Variants in GOLGA5 observed in about 807,000 individuals in gnomAD.
GOLGA5 encodes the protein golgin A5.
Under a neutral mutation model 93.5 loss-of-function variants are expected in GOLGA5, and 50 were observed. The observed-to-expected ratio is 0.53, with a 90% CI of 0.43 to 0.68. The LOEUF is 0.68. Among genes scored for constraint, GOLGA5 ranks in the 30% least tolerant of loss-of-function variants. GOLGA5 has a pLI of 0.00. For synonymous variants in GOLGA5, 312 were observed against 304.5 expected (o/e 1.02, Z -0.26); for missense variants, 760 against 856.4 (o/e 0.89, Z 1.40).
intron 9 of GOLGA5, among the ~76,000 whole-genome samples, chr14:92,825,776 C>T (rs919338232): frequency 2.0e-5 from 3 of 149,082 alleles, no homozygotes; most frequent in African/African-American, 7.4e-5. Context: ...GGATCACTTG[C>T]GCCTGGGAGG....
intron 8 of GOLGA5, among the ~76,000 whole-genome samples, chr14:92,822,513 A>G (rs1169621490): frequency 2.0e-5 from 3 of 152,218 alleles, no homozygotes; most frequent in East Asian, 1.9e-4. Flanking sequence ...CGAGCAGTGC[A>G]TTAGTGCAGT....
intron 2 of GOLGA5, among the ~76,000 whole-genome samples, chr14:92,803,804 C>G (rs1566953130): frequency 6.6e-6 from 1 of 152,162 alleles, no homozygotes; most frequent in Non-Finnish European, 1.5e-5. Context: ...TATATTGAAT[C>G]CTTACCCTGT....
At chr14:92,798,413 C>G (rs937121058) in intron 2 of GOLGA5, among the ~76,000 whole-genome samples, 1 of 152,034 alleles carries the variant, frequency 6.6e-6, no homozygotes, top group Non-Finnish European at 1.5e-5. Context: ...TTTTTCCCCC[C>G]ACATCCTCCA....
chr14:92,811,839 G>A (rs988404611), intron 6 of GOLGA5, 85 bp downstream of exon 6: 1 of 969,962 alleles, frequency 1.0e-6, no homozygotes, highest in East Asian at 2.5e-5. Context: ...ACTGTGTGAG[G>A]TGCTTTGTTC....
intron 10 of GOLGA5, among the ~76,000 whole-genome samples, chr14:92,833,614 A>G (rs187627759): frequency 6.6e-6 from 1 of 152,354 alleles, no homozygotes; most frequent in East Asian, 1.9e-4. Flanking sequence ...GATGATGCTG[A>G]CAAGGCGAGG....
In GOLGA5 at chr14:92,815,987, G is replaced by A. The variant is rs150995889; in HGVS notation, c.1321-264G>A. On this transcript the variant is annotated intron_variant, in intron 6 of 12. Transcript: ENST00000163416. ...CCCAAAGTGCTGGGATTACAGGCGT[G>A]AGCCACCGCACCCAGCTGGAAAAAA... Among the ~76,000 whole-genome samples the A allele has an allele frequency of 3.6e-3, 555 of 152,060 alleles. 13 individuals carry two copies. The South Asian group carries it at 0.061, about 17-fold the overall frequency.
At chr14:92,813,703 G>A (rs1157852514) in intron 6 of GOLGA5, among the ~76,000 whole-genome samples, 1 of 152,136 alleles carries the variant, frequency 6.6e-6, no homozygotes, top group African/African-American at 2.4e-5. Context: ...GGGAGATTTG[G>A]GCCTCTGTCT....
Position 92,833,247 on chromosome 14 carries a change from G to A in GOLGA5, c.1845G>A (p.Leu615=). ...GTCTCAGCACAGAAAAGAACTCCCT[G>A]GTCTTTCAACTGGAGCGCCTCGAAC... ...LESLSTEKNS[L]VFQLERLEQQ... The change falls in exon 10 of 13, where the codon CTG becomes CTA. Residue 615 remains leucine (L), a synonymous_variant. Transcript: ENST00000163416. 6.2e-7 allele frequency: 1 copy of A among 1,613,704 alleles called. No individual in the cohort carries two copies. The highest frequency in any genetic ancestry group is 8.5e-7 in the Non-Finnish European group (1 of 1,179,650).
rs757380809 is a variant in GOLGA5 at position 92,797,880 on chromosome 14, C to T, written c.443C>T (p.Pro148Leu). The T allele has an allele frequency of 3.1e-6, 5 of 1,612,024 alleles. No individual in the cohort carries two copies. In the South Asian group the frequency reaches 5.5e-5, roughly 18 times the overall value. ...VEIRKEKGKT[P>L]VFQSSQTSSV... ...ATCAGAAAGGAAAAAGGCAAGACACCTGTCTTTCAGAGCTCTCAGACATCA... is the reference window on the plus strand; with the variant it reads ...ATCAGAAAGGAAAAAGGCAAGACACTTGTCTTTCAGAGCTCTCAGACATCA... The change falls in exon 2 of 13, where the codon CCT (proline) becomes CTT (leucine). Residue 148 changes from proline (P) to leucine (L), a missense_variant. Transcript: ENST00000163416.
chr14:92,816,966 C>T (rs979821480), intron 7 of GOLGA5, among the ~76,000 whole-genome samples: 12 of 151,530 alleles, frequency 7.9e-5, no homozygotes, highest in African/African-American at 2.4e-4. Context: ...GATGGAGTCT[C>T]GGTCTGTTGC....
intron 2 of GOLGA5, among the ~76,000 whole-genome samples, chr14:92,804,502 A>G (rs10135267): frequency 0.82 from 123,986 of 152,054 alleles, 51,220 homozygotes; most frequent in African/African-American, 0.94. Flanking sequence ...ATTTCCCATC[A>G]CTTTCTTCAC....
intron 9 of GOLGA5, among the ~76,000 whole-genome samples, chr14:92,829,278 G>A (rs963867098): frequency 1.3e-5 from 2 of 152,082 alleles, no homozygotes; most frequent in Non-Finnish European, 2.9e-5. Context: ...TATCACTTAA[G>A]ACATACTTTT....
chr14:92,824,633 C>G lies in GOLGA5; in HGVS notation c.1708C>G (p.Leu570Val), dbSNP rs1230016109. Residue 570 changes from leucine to valine, a missense_variant, in exon 9 of 13, where the codon CTC becomes GTC. Leu to Val is a conservative substitution (Grantham distance 32). Transcript: ENST00000163416. The stretch of plus-strand genomic sequence containing the variant: ...AGATCGAGACGAAGAAATTCAAAAA[C>G]TCAGGAATCAGGTATGAATCACTAT... The part of the protein sequence containing the change: ...IKDRDEEIQK[L>V]RNQLTNKTLS... 6.4e-7 allele frequency: 1 copy of G among 1,566,586 alleles called. No individual in the cohort carries two copies. The highest frequency in any genetic ancestry group is 1.1e-5 in the South Asian group (1 of 89,312).
chr14:92,805,165 A>G (rs970901498), intron 2 of GOLGA5, among the ~76,000 whole-genome samples: 2 of 151,794 alleles, frequency 1.3e-5, no homozygotes. Flanking sequence ...TTTCCACTTA[A>G]TCTCCTCACC....
chr14:92,830,759 T>G (rs1885515009), intron 9 of GOLGA5, among the ~76,000 whole-genome samples: 1 of 151,962 alleles, frequency 6.6e-6, no homozygotes, highest in Admixed American at 6.6e-5. Flanking sequence ...ACCACCACAC[T>G]CGGCTAATTT....
At chr14:92,821,042 T>C (rs546651362) in intron 8 of GOLGA5, among the ~76,000 whole-genome samples, 2 of 152,236 alleles carry the variant, frequency 1.3e-5, no homozygotes, top group Non-Finnish European at 2.9e-5. Context: ...GTGATGGCAC[T>C]TGCCTGGTAC....
At position 92,809,312 on chromosome 14, in the gene GOLGA5, C is replaced by G; in HGVS notation, c.785C>G (p.Ala262Gly). ...AATTTTTTAATAGAATTAAACAAAG[C>G]AAGAGCAAGAGTTGAAAAGTGGAAT... ...SKETQEELNK[A>G]RARVEKWNAD... The change falls in exon 4 of 13, where the codon GCA becomes GGA. Residue 262 changes from alanine (A) to glycine (G), a missense_variant. Ala to Gly is a moderately conservative substitution (Grantham distance 60). Coordinates refer to ENST00000163416, the MANE Select transcript of GOLGA5 (RefSeq NM_005113.4). The G allele has an allele frequency of 6.2e-7, 1 of 1,608,734 alleles. No individual in the cohort carries two copies. The highest frequency in any genetic ancestry group is 8.5e-7 in the Non-Finnish European group (1 of 1,175,218).
intron 2 of GOLGA5, among the ~76,000 whole-genome samples, chr14:92,799,071 G>A (rs373123679): frequency 1.5e-4 from 22 of 151,666 alleles, no homozygotes; most frequent in Admixed American, 5.3e-4. Flanking sequence ...AGGCTCAAGC[G>A]ATCCTCCTGC....
In GOLGA5 at chr14:92,806,874, G is replaced by A. The variant is rs375259318; in HGVS notation, c.683G>A (p.Arg228Gln). ...AAATCACATGAACTGTCTAACCTTC[G>A]ACTGGAGAATCAGCTGCTGAGGAAT... The part of the protein sequence containing the change: ...DGKSHELSNL[R>Q]LENQLLRNEV... The change falls in exon 3 of 13, where the codon CGA becomes CAA. Residue 228 changes from arginine (R) to glutamine (Q), a missense_variant. By Grantham distance (43) the Arg-to-Gln change is conservative. Coordinates refer to ENST00000163416, the MANE Select transcript of GOLGA5 (RefSeq NM_005113.4). The A allele has an allele frequency of 1.3e-5, 21 of 1,613,652 alleles. No individual in the cohort carries two copies. The highest frequency in any genetic ancestry group is 2.7e-5 in the African/African-American group (2 of 74,874).
Sources: allele counts gnomAD v4.1 joint callset (sites outside exome capture counted in the v4.1 genomes callset), GRCh38; gene constraint gnomAD v4.1.1; transcripts MANE v1.5; gene names NCBI Gene and HGNC (gene_info 2026-07-23, HGNC 2026-07-21).